The following ZNF568 variants were observed in gnomAD, a reference collection of about 807,000 sequenced individuals.
ZNF568 encodes the protein zinc finger protein 568.
Under a neutral mutation model 18.1 loss-of-function variants are expected in ZNF568, and 11 were observed. The observed-to-expected ratio is 0.61, with a 90% CI of 0.38 to 1.00. The LOEUF is 1.00. ZNF568 is among the 50% of genes least tolerant of loss of function. The probability of loss-of-function intolerance (pLI) is 0.01; values close to 1 mark genes in which losing one functional copy is unlikely to be tolerated. For synonymous variants in ZNF568, 213 were observed against 246.6 expected (o/e 0.86, Z 1.28); for missense variants, 639 against 768.2 (o/e 0.83, Z 1.99).
At chr19:36,974,645 T>C (rs558575178) in intron 7 of ZNF568, among the ~76,000 whole-genome samples, 9 of 152,264 alleles carry the variant, frequency 5.9e-5, no homozygotes, top group African/African-American at 2.2e-4. Flanking sequence ...TTGCAAACAT[T>C]GTCTCATCTG....
At chr19:36,981,717 AT>A (rs2074332831), downstream of ZNF568, among the ~76,000 whole-genome samples, 1 of 151,988 alleles carries the variant, frequency 6.6e-6, no homozygotes, top group South Asian at 2.1e-4. Context: ...TCTACTATAA[AT>A]AAAAAATTAG....
At chr19:36,955,879 C>T (rs866843072), downstream of ZNF568, among the ~76,000 whole-genome samples, 4 of 151,898 alleles carry the variant, frequency 2.6e-5, no homozygotes, top group Admixed American at 2.6e-4. Flanking sequence ...ACTGGCTGGC[C>T]GGTGGACCAT....
chr19:36,985,315 T>C (rs1348829021), intron 2 of ZNF568, among the ~76,000 whole-genome samples: 1 of 152,206 alleles, frequency 6.6e-6, no homozygotes, highest in Non-Finnish European at 1.5e-5. Flanking sequence ...TTTAAAAACA[T>C]GTAATATGCT....
Position 36,996,392 on chromosome 19 carries a change from A to C in ZNF568, c.305A>C (p.Glu102Ala), listed in dbSNP as rs751104604. Residue 102 changes from glutamate to alanine, a missense_variant, in exon 5 of 5, where the codon GAG becomes GCG. By Grantham distance (107) the Glu-to-Ala change is moderately radical. Coordinates refer to the ZNF568 transcript ENST00000433993. ...TATGAAATTAGATCACCACAACAGGAGAAGGCCAGAGTTATCAGAGAAATC... is the reference window on the plus strand; with the variant it reads ...TATGAAATTAGATCACCACAACAGGCGAAGGCCAGAGTTATCAGAGAAATC... 27 of 1,536,114 alleles carry C rather than the reference A, an allele frequency of 1.8e-5. No homozygotes were observed. The highest frequency in any genetic ancestry group is 2.4e-5 in the Non-Finnish European group (27 of 1,146,932).
intron 2 of ZNF568, among the ~76,000 whole-genome samples, chr19:36,989,232 G>A (rs1304513387): frequency 6.6e-6 from 1 of 152,138 alleles, no homozygotes; most frequent in Admixed American, 6.5e-5. Flanking sequence ...GCCTAGGCTA[G>A]ACTACAGTGG....
At chr19:36,986,129 G>T (rs1384236290) in intron 2 of ZNF568, among the ~76,000 whole-genome samples, 1 of 152,136 alleles carries the variant, frequency 6.6e-6, no homozygotes, top group African/African-American at 2.4e-5. Flanking sequence ...CTGCAGGCCT[G>T]TGTGAGGGCT....
chr19:36,943,005 A>G (rs959724680), intron 6 of ZNF568, among the ~76,000 whole-genome samples: 1 of 152,000 alleles, frequency 6.6e-6, no homozygotes, highest in Non-Finnish European at 1.5e-5. Context: ...TAGTTTGCCA[A>G]CCCCTGCTCT....
In ZNF568 at chr19:36,925,256, C is replaced by A. The variant is rs201734462; in HGVS notation, c.133C>A (p.Leu45Ile). Residue 45 changes from leucine to isoleucine, a missense_variant and splice_region_variant, in exon 4 of 7, where the codon CTT (leucine) becomes ATT (isoleucine). Physicochemically the swap from Leu to Ile is conservative, Grantham distance 5 (BLOSUM62 2). Transcript: ENST00000333987. ...GGAAGAAGAGGATACAACCAGGCCTCTTGTACGTCTTAAGCATTTATTTGT... is the reference window on the plus strand; with the variant it reads ...GGAAGAAGAGGATACAACCAGGCCTATTGTACGTCTTAAGCATTTATTTGT... ...SEEEEDTTRP[L>I]ETVTFKDVAV... 1.2e-4 allele frequency: 187 copies of A among 1,613,794 alleles called. No individual in the cohort carries two copies. The highest frequency in any genetic ancestry group is 1.7e-4 in the Middle Eastern group (1 of 6,060).
At chr19:36,997,353 G>A (rs765177107), downstream of ZNF568, 29 of 1,602,434 alleles carry the variant, frequency 1.8e-5, no homozygotes, top group African/African-American at 4.0e-5. Context: ...CCCGACATCA[G>A]AGAGCTCATA....
chr19:36,988,695 G>A (rs755027903), intron 2 of ZNF568, among the ~76,000 whole-genome samples: 1 of 152,124 alleles, frequency 6.6e-6, no homozygotes, highest in Non-Finnish European at 1.5e-5. Context: ...TGGGGACACA[G>A]ATCCAAACCA....
At chr19:36,970,869 T>C (rs1026683395) in intron 6 of ZNF568, among the ~76,000 whole-genome samples, 1 of 152,146 alleles carries the variant, frequency 6.6e-6, no homozygotes, top group African/African-American at 2.4e-5. Context: ...TTAGTAGAAA[T>C]CAGTGATTTA....
At chr19:36,973,311 T>A (rs2074252169) in intron 6 of ZNF568, 1 of 152,656 alleles carries the variant, frequency 6.6e-6, no homozygotes, top group Non-Finnish European at 1.5e-5. Context: ...AAGGGGGCGG[T>A]GAGGCGTCCC....
rs116810109 is a variant in ZNF568, at chr19:36,939,287, G to A, written c.358+2045G>A. Among the ~76,000 whole-genome samples, 807 of 152,134 alleles carry A rather than the reference G, an allele frequency of 5.3e-3. 10 individuals are homozygous for A. Among genetic ancestry groups the A allele is most frequent in the African/African-American group, 0.018 (755 of 41,526 alleles). ...GTACCATTTGTCAGGGCCAGATGAA[G>A]TCCATTCTGTACCTGCCACAATTTC... On this transcript the variant is annotated intron_variant, in intron 6 of 6. Transcript: ENST00000333987.
intron 7 of ZNF568, chr19:36,974,506 G>A: frequency 6.6e-7 from 1 of 1,522,806 alleles, no homozygotes; most frequent in Middle Eastern, 1.7e-4. Flanking sequence ...GGACTTACTG[G>A]TTTTCAGGAC....
At chr19:36,945,882 A>G (rs2073956199) in intron 6 of ZNF568, among the ~76,000 whole-genome samples, 2 of 151,836 alleles carry the variant, frequency 1.3e-5, no homozygotes, top group South Asian at 2.1e-4. Flanking sequence ...TCATGAGGTC[A>G]GAAGATAAAG....
At chr19:36,947,338 C>G (rs1344878732) in intron 6 of ZNF568, among the ~76,000 whole-genome samples, 1 of 152,010 alleles carries the variant, frequency 6.6e-6, no homozygotes, top group Non-Finnish European at 1.5e-5. Context: ...TTGTGTGGGG[C>G]CCCAAATGCC....
In ZNF568 at chr19:36,937,240, C is replaced by T. The variant is rs2073806427; in HGVS notation, c.356C>T (p.Pro119Leu). The T allele has an allele frequency of 6.2e-7, 1 of 1,613,086 alleles. No homozygotes were observed. The highest frequency in any genetic ancestry group is 8.5e-7 in the Non-Finnish European group (1 of 1,179,356). Residue 119 changes from proline (P) to leucine (L), a missense_variant and splice_region_variant, in exon 6 of 7, where the codon CCA becomes CTA. By Grantham distance (98) the Pro-to-Leu change is moderately conservative (BLOSUM62 -3). Coordinates refer to ENST00000333987, the MANE Select transcript of ZNF568 (RefSeq NM_198539.4). ...GAAGAAATGTTTGGGAGGCACTGTCCAGGTGAATAAGTGAAAAGCAGCTCT... is the reference window on the plus strand; with the variant it reads ...GAAGAAATGTTTGGGAGGCACTGTCTAGGTGAATAAGTGAAAAGCAGCTCT... The part of the protein sequence containing the change: ...MEEEMFGRHC[P>L]EVWEVDEQIK...
chr19:36,942,443 C>CA (rs1302652986), intron 6 of ZNF568, among the ~76,000 whole-genome samples: 1 of 151,138 alleles, frequency 6.6e-6, no homozygotes, highest in African/African-American at 2.4e-5. Flanking sequence ...ATTAAAAGTA[C>CA]AAAAAACTAG....
intron 4 of ZNF568, among the ~76,000 whole-genome samples, chr19:36,933,912 T>G (rs1033515891): frequency 0.11 from 3,402 of 31,208 alleles, 78 homozygotes; most frequent in South Asian, 0.14. Flanking sequence ...TTTTTTTTTG[T>G]TTTGTTTTTT....
Sources: gnomAD v4.1 joint callset for allele counts (sites outside exome capture counted in the v4.1 genomes callset) on GRCh38, gnomAD v4.1.1 for gene constraint, MANE v1.5 for transcripts, NCBI Gene and HGNC (gene_info 2026-07-23, HGNC 2026-07-21) for gene names.